PAN3: variants seen among roughly 807,000 people sequenced by gnomAD.
PAN3 encodes PAN2-PAN3 deadenylation complex subunit PAN3.
Under a neutral mutation model 96.2 loss-of-function variants are expected in PAN3, and 19 were observed. The observed-to-expected ratio is 0.20, with a 90% CI of 0.14 to 0.29. The LOEUF is 0.29. PAN3 is among the 10% of genes least tolerant of loss of function. PAN3 has a pLI of 1.00. For missense variants in PAN3, 882 were observed against 1,108.1 expected, an observed-to-expected ratio of 0.80 and a Z score of 2.90; for synonymous variants, 433 against 406.6, an observed-to-expected ratio of 1.06 and a Z score of -0.78.
chr13:28,141,370 TA>T (rs1438537536), intron 1 of PAN3, among the ~76,000 whole-genome samples: 3 of 151,480 alleles, frequency 2.0e-5, no homozygotes, highest in Non-Finnish European at 2.9e-5. Context: ...ATTCTCTTTT[TA>T]AAAAAAACTT....
intron 18 of PAN3, among the ~76,000 whole-genome samples, chr13:28,289,966 T>C (rs1869539912): frequency 6.6e-6 from 1 of 152,214 alleles, no homozygotes; most frequent in Non-Finnish European, 1.5e-5. Context: ...TACTTGGCAT[T>C]ATGAAGTTTA....
At chr13:28,169,365 T>A (rs1195562241) in intron 1 of PAN3, among the ~76,000 whole-genome samples, 4 of 150,884 alleles carry the variant, frequency 2.7e-5, no homozygotes, top group Non-Finnish European at 4.4e-5. Context: ...AAGTAGCTGG[T>A]CTTACAGGTG....
intron 14 of PAN3, among the ~76,000 whole-genome samples, chr13:28,274,611 C>T (rs527712912): frequency 6.6e-6 from 1 of 151,958 alleles, no homozygotes; most frequent in African/African-American, 2.4e-5. Context: ...AGAAAAAAAT[C>T]CCTGAGTTCA....
At chr13:28,257,789 A>T (rs1473448906) in intron 7 of PAN3, among the ~76,000 whole-genome samples, 1 of 140,238 alleles carries the variant, frequency 7.1e-6, no homozygotes, top group Non-Finnish European at 1.5e-5. Flanking sequence ...TATATATAAT[A>T]TATAATTAAT....
intron 6 of PAN3, among the ~76,000 whole-genome samples, chr13:28,235,696 T>TACACACACACACACACACACACAC (rs34812975): frequency 4.8e-4 from 67 of 140,708 alleles, no homozygotes; most frequent in African/African-American, 1.8e-3. Flanking sequence ...CACACACACA[T>TACACACACACACACACACACACAC]ACACACACAC....
chr13:28,197,133 TTA>T, intron 4 of PAN3, 50 bp from the exon 5 acceptor site: 2 of 1,565,604 alleles, frequency 1.3e-6, no homozygotes, highest in Non-Finnish European at 1.7e-6. Flanking sequence ...TTAGTTTAGA[TTA>T]GTGTGGGGGA....
chr13:28,248,470 G>A lies in PAN3; in HGVS notation c.1001-7822G>A, dbSNP rs534638320. Among the ~76,000 whole-genome samples, 153 of 152,176 alleles carry A rather than the reference G, an allele frequency of 1.0e-3. 1 individual carries two copies. The highest frequency in any genetic ancestry group is 2.8e-3 in the Admixed American group (42 of 15,272). Reference sequence around the variant, plus strand: ...ACTTCCAGTACTATATTGAATAAAAGTGATGAAAATGGGCATCTTTGTCTT... The same window carrying A: ...ACTTCCAGTACTATATTGAATAAAAATGATGAAAATGGGCATCTTTGTCTT... On this transcript the variant is annotated intron_variant, in intron 6 of 18. Coordinates refer to ENST00000380958, the MANE Select transcript of PAN3 (RefSeq NM_175854.8).
chr13:28,270,152 A>G (rs747352848), intron 12 of PAN3, among the ~76,000 whole-genome samples: 25 of 152,262 alleles, frequency 1.6e-4, no homozygotes, highest in Non-Finnish European at 2.8e-4. Flanking sequence ...TTTACAACAT[A>G]TTAACAATGA....
At chr13:28,288,663 C>T (rs1030449747) in intron 18 of PAN3, among the ~76,000 whole-genome samples, 2 of 152,076 alleles carry the variant, frequency 1.3e-5, no homozygotes, top group Non-Finnish European at 2.9e-5. Context: ...ATGACTGCTT[C>T]CCTCCTTTAT....
At chr13:28,288,399 A>G (rs763616321) in intron 18 of PAN3, among the ~76,000 whole-genome samples, 2 of 152,136 alleles carry the variant, frequency 1.3e-5, no homozygotes, top group Non-Finnish European at 2.9e-5. Context: ...TCCCGGGTTC[A>G]AGTGATTCTC....
chr13:28,138,766 C>A lies in PAN3; in HGVS notation c.109C>A (p.Pro37Thr). The change falls in exon 1 of 19, where the codon CCC (proline) becomes ACC (threonine). Residue 37 changes from proline to threonine, a missense_variant. Around this residue, in one of 3 missense-constraint regions of PAN3, gnomAD observed 442 missense variants for 422.8 expected, o/e 1.05. Transcript: ENST00000380958. ...GGCCCCGCCGGGGGTCGGGGGTGTC[C>A]CCGGCGGGGCGGCGGTAGGAGTGAA... ...VVAPPGVGGV[P>T]GGAAVGVKLK... 1 of 1,355,600 alleles carries A rather than the reference C, an allele frequency of 7.4e-7. No individual in the cohort carries two copies. The highest frequency in any genetic ancestry group is 3.1e-5 in the East Asian group (1 of 32,178). The allele number at this position is 1,355,600 out of a possible 1,614,324, so 84.0% of individuals were successfully genotyped here.
chr13:28,220,995 G>A (rs1193987869), intron 6 of PAN3, among the ~76,000 whole-genome samples: 2 of 152,092 alleles, frequency 1.3e-5, no homozygotes, highest in African/African-American at 4.8e-5. Context: ...AACAATTTGG[G>A]CAAATGTGCT....
intron 6 of PAN3, among the ~76,000 whole-genome samples, chr13:28,238,820 A>G (rs45494297): frequency 6.6e-6 from 1 of 151,814 alleles, no homozygotes; most frequent in Non-Finnish European, 1.5e-5. Context: ...ATAATAGTGT[A>G]TTATAGATAA....
intron 5 of PAN3, among the ~76,000 whole-genome samples, chr13:28,200,352 A>T (rs1237506689): frequency 1.3e-5 from 2 of 152,168 alleles, no homozygotes; most frequent in African/African-American, 4.8e-5. Context: ...GGAACTTTAA[A>T]CATTCCTTTA....
chr13:28,187,745 G>C (rs1876675365), intron 4 of PAN3, among the ~76,000 whole-genome samples: 1 of 151,874 alleles, frequency 6.6e-6, no homozygotes, highest in South Asian at 2.1e-4. Context: ...GTTTTTTGAG[G>C]GGCAGTGTCT....
At chr13:28,143,062 G>A (rs1870074259) in intron 1 of PAN3, among the ~76,000 whole-genome samples, 1 of 152,144 alleles carries the variant, frequency 6.6e-6, no homozygotes, top group South Asian at 2.1e-4. Flanking sequence ...TAGTTGCAAT[G>A]ATGTTTCAAC....
intron 1 of PAN3, among the ~76,000 whole-genome samples, chr13:28,149,085 C>T (rs925534769): frequency 3.3e-5 from 5 of 151,754 alleles, no homozygotes; most frequent in Non-Finnish European, 5.9e-5. Context: ...TGGGGTGTGG[C>T]GACTCATACC....
intron 17 of PAN3, among the ~76,000 whole-genome samples, chr13:28,282,334 G>GGGGTTGTTTTTTT (rs1491212884): frequency 7.3e-6 from 1 of 136,214 alleles, no homozygotes; most frequent in East Asian, 2.2e-4. Context: ...TATTACTTGA[G>GGGGTTGTTTTTTT]GGGTTGTTTT....
Position 28,196,119 on chromosome 13 carries a change from A to G in PAN3, c.691-1066A>G, listed in dbSNP as rs1336436258. Reference sequence around the variant, plus strand: ...AAGTGATCCTCCTGCATCAACCTCCAAAGTGCTGGGATTACAGGCATGAGC... The same window carrying G: ...AAGTGATCCTCCTGCATCAACCTCCGAAGTGCTGGGATTACAGGCATGAGC... On this transcript the variant is annotated intron_variant, in intron 4 of 18. Transcript: ENST00000380958. Among the ~76,000 whole-genome samples the G allele has an allele frequency of 2.6e-5, 4 of 151,426 alleles. No individual in the cohort carries two copies. In the South Asian group the frequency reaches 6.3e-4, roughly 24 times the overall value.
Sources: gnomAD v4.1 joint callset for allele counts (sites outside exome capture counted in the v4.1 genomes callset) on GRCh38, gnomAD v4.1.1 for gene constraint, gnomAD v4.1.1 regional missense constraint, MANE v1.5 for transcripts, NCBI Gene and HGNC (gene_info 2026-07-23, HGNC 2026-07-21) for gene names.